The following CEP83 variants were observed in gnomAD, a reference collection of about 807,000 sequenced individuals.
CEP83 encodes centrosomal protein of 83 kDa.
Under a neutral mutation model 101.9 loss-of-function variants are expected in CEP83, and 70 were observed. That is an observed-to-expected ratio of 0.69 (90% CI 0.57 to 0.84). The LOEUF (loss-of-function observed/expected upper bound fraction) is 0.84, where lower values mean the gene tolerates loss of function less well. Among genes scored for constraint, CEP83 ranks in the 40% least tolerant of loss-of-function variants. The probability of loss-of-function intolerance (pLI) is 0.00; values close to 1 mark genes in which losing one functional copy is unlikely to be tolerated. For synonymous variants in CEP83, 264 were observed against 267.9 expected (o/e 0.99, Z 0.14); for missense variants, 715 against 787.2 (o/e 0.91, Z 1.10).
the CEP83 span, among the ~76,000 whole-genome samples, chr12:94,284,627 T>C: frequency 2.0e-5 from 3 of 152,006 alleles, no homozygotes; most frequent in Non-Finnish European, 4.4e-5. Flanking sequence ...CCCCACTTTA[T>C]AGATGGGTAC....
intron 11 of CEP83, among the ~76,000 whole-genome samples, chr12:94,366,809 A>C (rs1184014335): frequency 6.6e-6 from 1 of 152,166 alleles, no homozygotes; most frequent in Non-Finnish European, 1.5e-5. Context: ...TGGGGCAGGG[A>C]AAGTGAAAGA....
intron 1 of CEP83, among the ~76,000 whole-genome samples, chr12:94,459,273 C>A (rs1221411228): frequency 6.6e-6 from 1 of 152,162 alleles, no homozygotes; most frequent in Non-Finnish European, 1.5e-5. Flanking sequence ...AAATTGTCTT[C>A]AAAGCCAAGG....
chr12:94,423,963 T>A (rs569447170), intron 2 of CEP83: 1 of 1,613,040 alleles, frequency 6.2e-7, no homozygotes, highest in East Asian at 2.2e-5. Context: ...GGTCCCATCA[T>A]GGAGGCAGGC....
rs560270782 is a variant in CEP83 at position 94,390,665 on chromosome 12, A to T, written c.549+10185T>A. ...AGAAGTAGGCTTCAGAAGGTCAGTAATAACAAACTTCTCCAAGCTAAGGGA... is the reference window on the plus strand; with the variant it reads ...AGAAGTAGGCTTCAGAAGGTCAGTATTAACAAACTTCTCCAAGCTAAGGGA... On this transcript the variant is annotated intron_variant, in intron 6 of 16. Coordinates refer to ENST00000397809, the MANE Select transcript of CEP83 (RefSeq NM_016122.3). Among the ~76,000 whole-genome samples the T allele has an allele frequency of 3.9e-5, 6 of 152,238 alleles. No homozygotes were observed. In the South Asian group the frequency reaches 8.3e-4, roughly 21 times the overall value.
chr12:94,303,203 A>G (rs1359339335), downstream of CEP83, among the ~76,000 whole-genome samples: 3 of 152,334 alleles, frequency 2.0e-5, no homozygotes, highest in East Asian at 5.8e-4. Context: ...AGCCACCAAT[A>G]CTAATGACCA....
chr12:94,273,420 T>C, the CEP83 span, among the ~76,000 whole-genome samples: 2 of 152,036 alleles, frequency 1.3e-5, no homozygotes, highest in Non-Finnish European at 2.9e-5. Flanking sequence ...CCAGTCTAAT[T>C]AGAGACTGGA....
chr12:94,409,209 ATG>A (rs2063731141), intron 4 of CEP83, among the ~76,000 whole-genome samples: 2 of 152,238 alleles, frequency 1.3e-5, no homozygotes, highest in African/African-American at 2.4e-5. Context: ...TTGCTTCAAA[ATG>A]TGTGTTTATA....
At chr12:94,322,419 A>G (rs1293774117) in intron 14 of CEP83, among the ~76,000 whole-genome samples, 1 of 151,780 alleles carries the variant, frequency 6.6e-6, no homozygotes, top group Non-Finnish European at 1.5e-5. Context: ...GGATTCAAGT[A>G]AAAAAGCAGT....
At chr12:94,363,227 G>A (rs1247540516) in intron 11 of CEP83, among the ~76,000 whole-genome samples, 1 of 152,172 alleles carries the variant, frequency 6.6e-6, no homozygotes, top group African/African-American at 2.4e-5. Context: ...GATTGAATAT[G>A]CTAATTACCC....
chr12:94,371,583 G>A (rs2061312680), intron 8 of CEP83, among the ~76,000 whole-genome samples: 2 of 152,134 alleles, frequency 1.3e-5, no homozygotes. Flanking sequence ...TGGAATCAGA[G>A]TAGGAAACTA....
chr12:94,440,531 A>G (rs2066323731), intron 1 of CEP83, among the ~76,000 whole-genome samples: 1 of 152,158 alleles, frequency 6.6e-6, no homozygotes, highest in Admixed American at 6.5e-5. Flanking sequence ...AAAAAGCTGA[A>G]AGAAATCACA....
At chr12:94,400,239 G>GA (rs1182540382) in intron 6 of CEP83, among the ~76,000 whole-genome samples, 1 of 152,014 alleles carries the variant, frequency 6.6e-6, no homozygotes, top group African/African-American at 2.4e-5. Context: ...CACGACCAAT[G>GA]AAAAACAGAA....
the CEP83 span, among the ~76,000 whole-genome samples, chr12:94,276,211 C>T: frequency 2.0e-5 from 3 of 152,134 alleles, no homozygotes; most frequent in African/African-American, 4.8e-5. Context: ...GCTGAAGCTC[C>T]GATTAAAAGG....
Position 94,308,834 on chromosome 12 carries a change from T to C in CEP83, c.2085A>G (p.Glu695=). ...LETTQRKQLE[E]LGSSGE ...AACATCATTCTCCGGAAGATCCAAG[T>C]TCCTCTAGTTGTTTTCTTTGTGTTG... is the stretch of plus-strand genomic sequence containing the variant. The change falls in exon 17 of 17, where the codon GAA becomes GAG. Residue 695 remains glutamate (E), a synonymous_variant. Coordinates refer to ENST00000397809, the MANE Select transcript of CEP83 (RefSeq NM_016122.3). 6.2e-7 allele frequency: 1 copy of C among 1,611,166 alleles called. No individual in the cohort carries two copies. The highest frequency in any genetic ancestry group is 8.5e-7 in the Non-Finnish European group (1 of 1,177,564).
chr12:94,429,744 T>A (rs1275675908), intron 2 of CEP83, among the ~76,000 whole-genome samples: 1 of 152,110 alleles, frequency 6.6e-6, no homozygotes, highest in East Asian at 1.9e-4. Flanking sequence ...GAGCTTCCAC[T>A]GCCCAGGCTA....
At chr12:94,303,701 T>TC (rs1238954839), downstream of CEP83, 9 of 1,158,244 alleles carry the variant, frequency 7.8e-6, no homozygotes, top group Non-Finnish European at 1.0e-5. Flanking sequence ...ATCTTTTTTT[T>TC]TTTTTTTTTT....
intron 1 of CEP83, among the ~76,000 whole-genome samples, chr12:94,453,608 G>A (rs1203013367): frequency 6.6e-6 from 1 of 152,098 alleles, no homozygotes; most frequent in African/African-American, 2.4e-5. Flanking sequence ...CATAGCATGA[G>A]ACACATAATA....
chr12:94,278,437 A>G, the CEP83 span, among the ~76,000 whole-genome samples: 1 of 152,256 alleles, frequency 6.6e-6, no homozygotes, highest in African/African-American at 2.4e-5. Flanking sequence ...TTTGTTTTGA[A>G]ATATTCCCTA....
chr12:94,428,988 T>C (rs2065413374), intron 2 of CEP83, among the ~76,000 whole-genome samples: 1 of 152,226 alleles, frequency 6.6e-6, no homozygotes, highest in East Asian at 1.9e-4. Context: ...GTCAGTGGAA[T>C]ATACTTGTTA....
Sources: gnomAD v4.1 joint callset for allele counts (sites outside exome capture counted in the v4.1 genomes callset) on GRCh38, gnomAD v4.1.1 for gene constraint, MANE v1.5 for transcripts, NCBI Gene and HGNC (gene_info 2026-07-23, HGNC 2026-07-21) for gene names.